CEP63: variants seen among roughly 807,000 people sequenced by gnomAD.
CEP63 encodes the protein centrosomal protein 63.
Under a neutral mutation model 89.1 loss-of-function variants are expected in CEP63, and 84 were observed. That is an observed-to-expected ratio of 0.94 (90% confidence interval 0.79 to 1.13). The LOEUF is 1.13. CEP63 is among the 50% of genes most tolerant of loss of function. The pLI is 0.00. For missense variants in CEP63, 838 were observed against 813.3 expected (o/e 1.03, Z -0.37); for synonymous variants, 267 against 272.5 (o/e 0.98, Z 0.20).
chr3:134,634,284 T>A, the CEP63 span, among the ~76,000 whole-genome samples: 1 of 151,966 alleles, frequency 6.6e-6, no homozygotes, highest in African/African-American at 2.4e-5. Context: ...GCACAGGAAC[T>A]GGAATAACTA....
the CEP63 span, among the ~76,000 whole-genome samples, chr3:134,720,656 T>A: frequency 2.6e-5 from 4 of 152,124 alleles, no homozygotes; most frequent in Non-Finnish European, 5.9e-5. Flanking sequence ...AATTTTTGTA[T>A]GTGGTGTGAG....
the CEP63 span, among the ~76,000 whole-genome samples, chr3:134,596,261 C>T: frequency 6.6e-6 from 1 of 152,232 alleles, no homozygotes; most frequent in African/African-American, 2.4e-5. Context: ...TGACAACCCT[C>T]TGCTACCCAC....
chr3:134,627,625 C>T, the CEP63 span: 4 of 745,916 alleles, frequency 5.4e-6, no homozygotes, highest in Non-Finnish European at 9.4e-6. Context: ...CACTCTTCCC[C>T]TCCTGAACCC....
At chr3:134,567,152 CA>C (rs57656773), downstream of CEP63, among the ~76,000 whole-genome samples, 230 of 141,386 alleles carry the variant, frequency 1.6e-3, no homozygotes, top group Non-Finnish European at 2.0e-3. Flanking sequence ...AGGAAGAAAG[CA>C]AAAAAAAAAA....
chr3:134,533,026 C>A, intron 5 of CEP63, 126 bp downstream of exon 5: 1 of 966,018 alleles, frequency 1.0e-6, no homozygotes, highest in Non-Finnish European at 1.6e-6. Context: ...TAAGCTATTT[C>A]AGAGGTGAGA....
In CEP63 at chr3:134,564,512, C is replaced by G. The variant is rs1361706311; in HGVS notation, c.*2977C>G. 3.0e-6 allele frequency: 3 copies of G among 985,430 alleles called. No individual in the cohort carries two copies. The highest frequency in any genetic ancestry group is 3.6e-6 in the Non-Finnish European group (3 of 829,934). 61.0% of individuals were successfully genotyped at this position (985,430 alleles called of 1,614,324 possible). ...GATTTCTGTCTTTCAGGGGCTAAGT[C>G]CTGCCTACATCCTCAGTCAGCATGC... On this transcript the variant is annotated 3_prime_UTR_variant, in exon 15 of 15. Transcript: ENST00000675561.
At chr3:134,699,980 C>T in the CEP63 span, among the ~76,000 whole-genome samples, 297 of 152,330 alleles carry the variant, frequency 1.9e-3, 1 homozygote, top group African/African-American at 6.8e-3. Flanking sequence ...CATGAGATGC[C>T]AAGGGCACAT....
the CEP63 span, among the ~76,000 whole-genome samples, chr3:134,703,087 A>G: frequency 1.3e-5 from 2 of 152,096 alleles, no homozygotes; most frequent in South Asian, 4.2e-4. Flanking sequence ...TGAGGTCAGG[A>G]GATCGAGATC....
chr3:134,767,211 A>G, the CEP63 span, among the ~76,000 whole-genome samples: 2 of 152,200 alleles, frequency 1.3e-5, no homozygotes, highest in Non-Finnish European at 2.9e-5. Flanking sequence ...ATGGGCCACT[A>G]GGTGCCCAGG....
At chr3:134,492,134 C>T (rs889837847) in intron 1 of CEP63, among the ~76,000 whole-genome samples, 6 of 128,820 alleles carry the variant, frequency 4.7e-5, no homozygotes, top group African/African-American at 1.2e-4. Context: ...AGTGCAGTGG[C>T]GCGATCTTGA....
downstream of CEP63, among the ~76,000 whole-genome samples, chr3:134,565,429 C>T (rs935562152): frequency 1.3e-5 from 2 of 152,074 alleles, no homozygotes; most frequent in African/African-American, 2.4e-5. Flanking sequence ...GCAAAACACT[C>T]GAGTCCAGTA....
chr3:134,702,920 A>T, the CEP63 span, among the ~76,000 whole-genome samples: 1 of 152,210 alleles, frequency 6.6e-6, no homozygotes, highest in South Asian at 2.1e-4. Context: ...AATTCCTCAA[A>T]GACCTAGAGG....
At chr3:134,642,740 G>C in the CEP63 span, among the ~76,000 whole-genome samples, 1 of 152,224 alleles carries the variant, frequency 6.6e-6, no homozygotes, top group African/African-American at 2.4e-5. Context: ...CCATGAGCCA[G>C]AGGGAGGGAG....
chr3:134,601,476 CTTAT>C, the CEP63 span, among the ~76,000 whole-genome samples: 5 of 152,226 alleles, frequency 3.3e-5, no homozygotes, highest in African/African-American at 4.8e-5. Context: ...ATCGAAGGCA[CTTAT>C]TGTTTTGATG....
chr3:134,512,581 C>T (rs1188113372), intron 3 of CEP63, among the ~76,000 whole-genome samples: 3 of 152,152 alleles, frequency 2.0e-5, no homozygotes, highest in East Asian at 1.9e-4. Context: ...TAATCTTCCC[C>T]ACCCCTCTGA....
the CEP63 span, among the ~76,000 whole-genome samples, chr3:134,621,535 T>C: frequency 6.6e-6 from 1 of 152,152 alleles, no homozygotes; most frequent in African/African-American, 2.4e-5. Flanking sequence ...TAAACTTGGA[T>C]CTCTACCTCA....
downstream of CEP63, among the ~76,000 whole-genome samples, chr3:134,566,018 A>G (rs184956653): frequency 2.0e-5 from 3 of 152,342 alleles, no homozygotes; most frequent in Admixed American, 2.0e-4. Context: ...TAAAGCTCTC[A>G]TGGCCTGAAA....
At chr3:134,501,015 T>G (rs542438383) in intron 2 of CEP63, among the ~76,000 whole-genome samples, 44 of 152,340 alleles carry the variant, frequency 2.9e-4, no homozygotes, top group African/African-American at 9.4e-4. Context: ...AATTTTTGCA[T>G]ATGGTGAGGA....
the CEP63 span, among the ~76,000 whole-genome samples, chr3:134,625,409 C>T: frequency 2.6e-5 from 4 of 152,266 alleles, no homozygotes; most frequent in African/African-American, 4.8e-5. Flanking sequence ...AAGTAGGAAA[C>T]GGGCTTAACC....
Sources: allele counts gnomAD v4.1 joint callset (sites outside exome capture counted in the v4.1 genomes callset), GRCh38; gene constraint gnomAD v4.1.1; transcripts MANE v1.5; gene names NCBI Gene and HGNC (gene_info 2026-07-23, HGNC 2026-07-21).